The following DAB2IP variants were observed in gnomAD, a reference collection of about 807,000 sequenced individuals.
The protein encoded by DAB2IP is DAB2 interacting protein, also known as disabled homolog 2-interacting protein.
In DAB2IP, 28 loss-of-function variants were observed where a neutral mutation model predicts 107.2. The observed-to-expected ratio is 0.26, with a 90% CI of 0.19 to 0.36. The LOEUF is 0.36. Among genes scored for constraint, DAB2IP ranks in the 10% least tolerant of loss-of-function variants. The pLI is 1.00. For synonymous variants in DAB2IP, 755 were observed against 706.4 expected, an observed-to-expected ratio of 1.07 and a Z score of -1.09; for missense variants, 1,400 against 1,644.7, an observed-to-expected ratio of 0.85 and a Z score of 2.57.
chr9:121,604,357 G>A (rs151016293), intron 1 of DAB2IP, among the ~76,000 whole-genome samples: 1 of 152,264 alleles, frequency 6.6e-6, no homozygotes, highest in East Asian at 1.9e-4. Context: ...ATCCCAGGTG[G>A]GCCTCCAGCA....
At chr9:121,637,117 C>G (rs1259655534) in intron 1 of DAB2IP, among the ~76,000 whole-genome samples, 1 of 152,222 alleles carries the variant, frequency 6.6e-6, no homozygotes, top group Admixed American at 6.5e-5. Context: ...GACTTTCCCC[C>G]AGGGAGCTGC....
Position 121,772,485 on chromosome 9 carries a change from G to C in DAB2IP, c.2079-122G>C. 9.1e-7 allele frequency: 1 copy of C among 1,098,546 alleles called. No individual in the cohort carries two copies. Among genetic ancestry groups the C allele is most frequent in the Non-Finnish European group, 1.3e-6 (1 of 755,242 alleles). The allele number at this position is 1,098,546 out of a possible 1,614,324, so 68.0% of individuals were successfully genotyped here. ...CCACCCCAGCGCATCCATCTCCCCAGCGCTGGCTCAGGCTGCCAGGCCCCG... is the reference window on the plus strand; with the variant it reads ...CCACCCCAGCGCATCCATCTCCCCACCGCTGGCTCAGGCTGCCAGGCCCCG... On this transcript the variant is annotated intron_variant, in intron 11 of 15. Coordinates refer to ENST00000408936, the Ensembl canonical transcript of DAB2IP. This position sits in a 1 kb window ranked among gnomAD's most constrained non-coding sequence, Gnocchi z 4.7.
chr9:121,624,088 A>G (rs1235796866), intron 1 of DAB2IP, among the ~76,000 whole-genome samples: 1 of 152,110 alleles, frequency 6.6e-6, no homozygotes, highest in African/African-American at 2.4e-5. Context: ...GGTACCTTAG[A>G]TTCACTCCTC....
chr9:121,664,207 GTCTATTTCTAGACTCTAT>G (rs1833325074), intron 1 of DAB2IP, among the ~76,000 whole-genome samples: 2 of 152,134 alleles, frequency 1.3e-5, no homozygotes, highest in Non-Finnish European at 2.9e-5. Flanking sequence ...GTATGTATGG[GTCTATTTCTAGACTCTAT>G]TCTGTTCCAT....
intron 3 of DAB2IP, among the ~76,000 whole-genome samples, chr9:121,718,897 C>A (rs1009046434): frequency 6.6e-6 from 1 of 152,214 alleles, no homozygotes; most frequent in African/African-American, 2.4e-5. Context: ...TCCCCCTCCC[C>A]CAGTCCTAGG....
At chr9:121,587,076 C>T (rs923901188) in intron 1 of DAB2IP, among the ~76,000 whole-genome samples, 2 of 152,154 alleles carry the variant, frequency 1.3e-5, no homozygotes, top group African/African-American at 4.8e-5. Context: ...CTTGTCCCCT[C>T]AGTAACCTGA....
intron 2 of DAB2IP, among the ~76,000 whole-genome samples, chr9:121,693,248 C>T (rs913649006): frequency 6.6e-6 from 1 of 152,228 alleles, no homozygotes; most frequent in African/African-American, 2.4e-5. Context: ...CTCAGTGTCA[C>T]TGGCCTGGCT....
chr9:121,782,564 G>C lies in DAB2IP; in HGVS notation c.*66G>C. 6.4e-7 allele frequency: 1 copy of C among 1,574,190 alleles called. No individual in the cohort carries two copies. The highest frequency in any genetic ancestry group is 1.3e-5 in the African/African-American group (1 of 74,438). ...CTATGGTGGCCAAGGGCAGGGTCTCGGCCTGGGGAGGCACCCACGGTTGCA... is the reference window on the plus strand; with the variant it reads ...CTATGGTGGCCAAGGGCAGGGTCTCCGCCTGGGGAGGCACCCACGGTTGCA... On this transcript the variant is annotated 3_prime_UTR_variant, in exon 16 of 16. Transcript: ENST00000408936. This position sits in a 1 kb window ranked among gnomAD's most constrained non-coding sequence, Gnocchi z 6.1.
rs370229493 is a variant in DAB2IP at position 121,755,220 on chromosome 9, CGGTGTGGCGGTGTGATGTGGT to C, written c.363-1778_363-1758del. ...GGAGAAGAGGCCTGTTCCAACACAG[CGGTGTGGCGGTGTGATGTGGT>C]GGTGTGGCGGTGTGGCGTGGCAGGT... On this transcript the variant is annotated intron_variant, in intron 3 of 15. Coordinates refer to ENST00000408936, the Ensembl canonical transcript of DAB2IP. 1.4e-3 allele frequency among the ~76,000 whole-genome samples: 216 copies of C among 152,268 alleles called. 2 individuals carry two copies. Among genetic ancestry groups the C allele is most frequent in the African/African-American group, 4.9e-3 (204 of 41,552 alleles).
In DAB2IP at chr9:121,687,191, G is replaced by C. The variant is rs75912922; in HGVS notation, c.228+8410G>C. On this transcript the variant is annotated intron_variant, in intron 2 of 15. Coordinates refer to ENST00000408936, the Ensembl canonical transcript of DAB2IP. ...TAAACAAGGTGTAGAACATACTGCT[G>C]GGGGCTGGGAGCAGCTCAGATCCGG... Among the ~76,000 whole-genome samples the C allele has an allele frequency of 2.7e-3, 418 of 152,302 alleles. 1 individual carries two copies. Among genetic ancestry groups the C allele is most frequent in the Middle Eastern group, 0.01 (3 of 292 alleles).
At chr9:121,582,576 G>A (rs1001765804) in intron 1 of DAB2IP, among the ~76,000 whole-genome samples, 2 of 151,672 alleles carry the variant, frequency 1.3e-5, no homozygotes, top group Non-Finnish European at 2.9e-5. Context: ...TCCCAGCTCT[G>A]GAACAGGCTC....
chr9:121,703,811 G>C lies in DAB2IP; in HGVS notation c.362+4353G>C, dbSNP rs558008251. On this transcript the variant is annotated intron_variant, in intron 3 of 15. Transcript: ENST00000408936. ...CCTCAGTTTTCTCATCCACAGTGTG[G>C]GAATAATAAGCAATCATGTGGCCTC... Among the ~76,000 whole-genome samples the C allele has an allele frequency of 2.0e-5, 3 of 152,240 alleles. No homozygotes were observed. The South Asian group carries it at 6.2e-4, about 32-fold the overall frequency.
chr9:121,643,553 G>C (rs1298550535), intron 1 of DAB2IP, among the ~76,000 whole-genome samples: 1 of 151,952 alleles, frequency 6.6e-6, no homozygotes, highest in Non-Finnish European at 1.5e-5. Context: ...ACTGTCTCCA[G>C]TACATGCTTT....
At chr9:121,589,363 C>T (rs1273581604) in intron 1 of DAB2IP, among the ~76,000 whole-genome samples, 6 of 152,142 alleles carry the variant, frequency 3.9e-5, no homozygotes, top group African/African-American at 1.4e-4. Context: ...ACTGTAATTC[C>T]CTGAGCACGC....
intron 1 of DAB2IP, among the ~76,000 whole-genome samples, chr9:121,663,236 G>T (rs1833279312): frequency 6.6e-6 from 1 of 152,162 alleles, no homozygotes; most frequent in African/African-American, 2.4e-5. Context: ...AACCTTGTAG[G>T]ATTTATACTA....
At chr9:121,673,940 G>A (rs1184364366) in intron 1 of DAB2IP, among the ~76,000 whole-genome samples, 1 of 152,232 alleles carries the variant, frequency 6.6e-6, no homozygotes, top group Non-Finnish European at 1.5e-5. Flanking sequence ...ATCAGTTCAG[G>A]GTCTGGAGAA....
At position 121,692,599 on chromosome 9, in the gene DAB2IP, G is replaced by A. The variant is rs560885145; in HGVS notation, c.229-6726G>A. ...TTTCTTTGTTTGACTTAAGTAGTCTGGCTACCTTCTCCAGGCGGAATATGT... is the reference window on the plus strand; with the variant it reads ...TTTCTTTGTTTGACTTAAGTAGTCTAGCTACCTTCTCCAGGCGGAATATGT... On this transcript the variant is annotated intron_variant, in intron 2 of 15. Coordinates refer to ENST00000408936, the Ensembl canonical transcript of DAB2IP. 2.6e-5 allele frequency among the ~76,000 whole-genome samples: 4 copies of A among 152,316 alleles called. No individual in the cohort carries two copies. In the East Asian group the frequency reaches 7.7e-4, roughly 29 times the overall value.
At position 121,736,777 on chromosome 9, in the gene DAB2IP, C is replaced by T. The variant is rs1368872476; in HGVS notation, c.363-20236C>T. Among the ~76,000 whole-genome samples the T allele has an allele frequency of 6.6e-6, 1 of 152,250 alleles. No individual in the cohort carries two copies. Among genetic ancestry groups the T allele is most frequent in the Non-Finnish European group, 1.5e-5 (1 of 68,050 alleles). ...GAAAAATGCATTCATTCATTCAGTACATCTGTCGAGTGTCTACTCTGTGCC... is the reference window on the plus strand; with the variant it reads ...GAAAAATGCATTCATTCATTCAGTATATCTGTCGAGTGTCTACTCTGTGCC... On this transcript the variant is annotated intron_variant, in intron 3 of 15. Coordinates refer to ENST00000408936, the Ensembl canonical transcript of DAB2IP. The surrounding 1 kb of genome is among the most constrained non-coding windows in gnomAD (Gnocchi z 4.6).
At chr9:121,661,213 G>T (rs1169553219) in intron 1 of DAB2IP, among the ~76,000 whole-genome samples, 1 of 152,100 alleles carries the variant, frequency 6.6e-6, no homozygotes, top group East Asian at 1.9e-4. Flanking sequence ...AGGAGAAGGC[G>T]AGAAAGGTGC....
Sources: gnomAD v4.1 joint callset for allele counts (sites outside exome capture counted in the v4.1 genomes callset) on GRCh38, gnomAD v4.1.1 for gene constraint, Gnocchi (gnomAD v3.1) non-coding constraint, MANE v1.5 for transcripts, NCBI Gene and HGNC (gene_info 2026-07-23, HGNC 2026-07-21) for gene names.